USP42: variants seen among roughly 807,000 people sequenced by gnomAD.
USP42 encodes the protein ubiquitin carboxyl-terminal hydrolase 42.
In USP42, 23 loss-of-function variants were observed where a neutral mutation model predicts 113.0. The ratio of observed to expected loss-of-function variants is 0.20; its 90% confidence interval spans 0.15 to 0.29. The LOEUF (loss-of-function observed/expected upper bound fraction) is 0.29, where lower values mean the gene tolerates loss of function less well. Ranked by LOEUF, USP42 falls within the 10% of genes least tolerant of loss-of-function variation. USP42 has a pLI of 1.00. For missense variants in USP42, 2,174 were observed against 1,779.8 expected, an observed-to-expected ratio of 1.22 and a Z score of -3.99; for synonymous variants, 933 against 699.0, an observed-to-expected ratio of 1.33 and a Z score of -5.28.
the USP42 span, among the ~76,000 whole-genome samples, chr7:6,092,045 TTCTTCTTC>T: frequency 1.4e-3 from 112 of 78,980 alleles, 2 homozygotes; most frequent in Admixed American, 1.9e-3. Context: ...CTTCTTCTTC[TTCTTCTTC>T]TTTCTTCTTC....
At chr7:6,121,385 A>G (rs1554337917) in intron 3 of USP42, among the ~76,000 whole-genome samples, 1 of 152,122 alleles carries the variant, frequency 6.6e-6, no homozygotes, top group Non-Finnish European at 1.5e-5. Flanking sequence ...TATTCTATGT[A>G]TTACTGGCTT....
At chr7:6,152,926 G>A (rs980155454) in intron 14 of USP42, 9 of 985,194 alleles carry the variant, frequency 9.1e-6, no homozygotes, top group Admixed American at 1.2e-4. Flanking sequence ...AAAGGAGGAG[G>A]CCCTGTCATC....
In USP42 at chr7:6,111,091, G is replaced by C. The variant is rs182047798; in HGVS notation, c.-9-34G>C. Reference sequence around the variant, plus strand: ...GGTAAGGAGATTGCTTTTCTCACCTGATGAAACAAATACATACTTTTCATC... The same window carrying C: ...GGTAAGGAGATTGCTTTTCTCACCTCATGAAACAAATACATACTTTTCATC... On this transcript the variant is annotated intron_variant, in intron 1 of 17. Transcript: ENST00000306177. 5 of 1,583,850 alleles carry C rather than the reference G, an allele frequency of 3.2e-6. No individual in the cohort carries two copies. In the Admixed American group the frequency reaches 8.6e-5, roughly 27 times the overall value.
chr7:6,142,691 T>G (rs1781500368), intron 7 of USP42, among the ~76,000 whole-genome samples: 1 of 152,018 alleles, frequency 6.6e-6, no homozygotes, highest in Non-Finnish European at 1.5e-5. Context: ...GAGACCAGCC[T>G]GGGGGAATAT....
At position 6,154,592 on chromosome 7, in the gene USP42, C is replaced by T. The variant is rs367745400; in HGVS notation, c.3038C>T (p.Ser1013Phe). Residue 1013 changes from serine (S) to phenylalanine (F), a missense_variant, in exon 15 of 18, where the codon TCT becomes TTT. By Grantham distance (155) the Ser-to-Phe change is radical. Coordinates refer to ENST00000306177, the MANE Select transcript of USP42 (RefSeq NM_032172.3). ...GDRLSPGERRSLGRCSHHHSR... is the reference protein window; with the variant it reads ...GDRLSPGERRFLGRCSHHHSR... Reference sequence around the variant, plus strand: ...AGGCTCAGCCCTGGCGAGCGCCGCTCTCTGGGCAGGTGCAGTCACCACCAC... The same window carrying T: ...AGGCTCAGCCCTGGCGAGCGCCGCTTTCTGGGCAGGTGCAGTCACCACCAC... The T allele has an allele frequency of 1.6e-4, 248 of 1,577,386 alleles. No individual in the cohort carries two copies. The highest frequency in any genetic ancestry group is 4.2e-5 in the Non-Finnish European group (49 of 1,164,070).
intron 3 of USP42, among the ~76,000 whole-genome samples, chr7:6,120,277 C>CT (rs1780146162): frequency 1.3e-5 from 2 of 151,764 alleles, no homozygotes; most frequent in South Asian, 4.2e-4. Flanking sequence ...TTTATTTGCT[C>CT]TGTCACTCCA....
intron 3 of USP42, among the ~76,000 whole-genome samples, chr7:6,121,255 C>T (rs1780212338): frequency 6.6e-6 from 1 of 152,002 alleles, no homozygotes; most frequent in Non-Finnish European, 1.5e-5. Flanking sequence ...CAGTCTTTTA[C>T]CATTAAGTAT....
At position 6,157,090 on chromosome 7, in the gene USP42, A is replaced by G. The variant is rs900101280; in HGVS notation, c.3943+35A>G. ...GATACTTGGAATTAGGAAGATAGAA[A>G]CTATTTCTTAATACATTTTCTTTGC... On this transcript the variant is annotated intron_variant, in intron 16 of 17. Coordinates refer to ENST00000306177, the MANE Select transcript of USP42 (RefSeq NM_032172.3). The surrounding 1 kb of genome is among the most constrained non-coding windows in gnomAD (Gnocchi z 4.1). 12 of 1,524,800 alleles carry G rather than the reference A, an allele frequency of 7.9e-6. No homozygotes were observed. The Admixed American group carries it at 1.4e-4, about 18-fold the overall frequency. The allele number at this position is 1,524,800 out of a possible 1,614,324, so 94.5% of individuals were successfully genotyped here.
intron 3 of USP42, among the ~76,000 whole-genome samples, chr7:6,120,023 T>A (rs148966687): frequency 1.3e-5 from 2 of 152,326 alleles, no homozygotes; most frequent in East Asian, 1.9e-4. Flanking sequence ...TGGAGTGCAG[T>A]GGCGCTGTCT....
At chr7:6,138,613 A>G (rs1305265660) in intron 4 of USP42, among the ~76,000 whole-genome samples, 1 of 152,200 alleles carries the variant, frequency 6.6e-6, no homozygotes. Flanking sequence ...TGGGCCGTAG[A>G]CTGGTACCCA....
At chr7:6,101,659 G>A (rs1583554390), upstream of USP42, among the ~76,000 whole-genome samples, 1 of 151,142 alleles carries the variant, frequency 6.6e-6, no homozygotes, top group Non-Finnish European at 1.5e-5. Flanking sequence ...TAGCTCCTTA[G>A]AGGAAAAGGG....
chr7:6,101,270 C>T (rs1316691311), upstream of USP42, among the ~76,000 whole-genome samples: 1 of 150,988 alleles, frequency 6.6e-6, no homozygotes, highest in Non-Finnish European at 1.5e-5. Flanking sequence ...ATTAACAGTG[C>T]CCACTGCAGG....
chr7:6,100,503 T>A (rs1338113247), upstream of USP42, among the ~76,000 whole-genome samples: 1 of 150,462 alleles, frequency 6.6e-6, no homozygotes, highest in East Asian at 1.9e-4. Context: ...CTAATTTTTG[T>A]ATTTTTAGTA....
upstream of USP42, among the ~76,000 whole-genome samples, chr7:6,100,605 C>T (rs908613408): frequency 6.6e-6 from 1 of 150,600 alleles, no homozygotes; most frequent in South Asian, 2.1e-4. Flanking sequence ...GCTGGGATTA[C>T]AGGCGGGAGC....
chr7:6,082,580 G>A, the USP42 span, among the ~76,000 whole-genome samples: 164 of 146,912 alleles, frequency 1.1e-3, 7 homozygotes, highest in African/African-American at 4.1e-3. Context: ...TAAGGAGACT[G>A]CGTCTCTATT....
intron 15 of USP42, 52 bp downstream of exon 15, chr7:6,155,247 G>A: frequency 6.8e-7 from 1 of 1,474,246 alleles, no homozygotes; most frequent in Non-Finnish European, 8.9e-7. Flanking sequence ...TGTCAGCAGT[G>A]GGGCCTGTCC....
At chr7:6,146,759 G>T (rs1781740523) in intron 11 of USP42, among the ~76,000 whole-genome samples, 1 of 152,234 alleles carries the variant, frequency 6.6e-6, no homozygotes, top group African/African-American at 2.4e-5. Flanking sequence ...ATCGCACTCT[G>T]TGGCCATGAG....
At chr7:6,084,900 G>A in the USP42 span, among the ~76,000 whole-genome samples, 1 of 150,230 alleles carries the variant, frequency 6.7e-6, no homozygotes, top group Non-Finnish European at 1.5e-5. Flanking sequence ...TACATTTTTA[G>A]TATAGATGGG....
chr7:6,105,571 TC>T (rs778287900), intron 1 of USP42, among the ~76,000 whole-genome samples: 59 of 151,746 alleles, frequency 3.9e-4, no homozygotes, highest in Non-Finnish European at 6.6e-4. Context: ...GGCAAAGTTT[TC>T]CCACCTTGGG....
Sources: allele counts gnomAD v4.1 joint callset (sites outside exome capture counted in the v4.1 genomes callset), GRCh38; gene constraint gnomAD v4.1.1; non-coding constraint Gnocchi (gnomAD v3.1); transcripts MANE v1.5; gene names NCBI Gene and HGNC (gene_info 2026-07-23, HGNC 2026-07-21).